PTPA: variants seen among roughly 807,000 people sequenced by gnomAD.
The protein encoded by PTPA is serine/threonine-protein phosphatase 2A activator.
PTPA carries 13 observed loss-of-function variants against 43.6 expected under a neutral mutation model. The observed-to-expected ratio is 0.30, with a 90% CI of 0.19 to 0.47. The LOEUF (loss-of-function observed/expected upper bound fraction) is 0.47. PTPA is among the 20% of genes least tolerant of loss of function. The pLI is 0.99. For missense variants in PTPA, 329 were observed against 411.9 expected (o/e 0.80, Z 1.74); for synonymous variants, 172 against 158.2 (o/e 1.09, Z -0.66).
rs1352970522 is a variant in PTPA at position 129,148,401 on chromosome 9, A to ACCCTGGGC, written c.*948_*955dup. 2.6e-5 allele frequency: 4 copies of ACCCTGGGC among 152,102 alleles called. No homozygotes were observed. The highest frequency in any genetic ancestry group is 9.7e-5 in the African/African-American group (4 of 41,116). The allele number at this position is 152,102 out of a possible 1,614,324, so 9.4% of individuals were successfully genotyped here. On this transcript the variant is annotated 3_prime_UTR_variant, in exon 10 of 10. Transcript: ENST00000393370. ...CTACCTTTGCGCTGCTGTGAGCCTC[A>ACCCTGGGC]CCCTGGGCCCCTGGGCCCTGCTTCT...
chr9:129,126,963 C>T (rs2096914693), intron 3 of PTPA, among the ~76,000 whole-genome samples: 1 of 152,174 alleles, frequency 6.6e-6, no homozygotes, highest in South Asian at 2.1e-4. Flanking sequence ...GAATCTGGGG[C>T]TGACTAGTGC....
At chr9:129,123,188 G>C in intron 3 of PTPA, 50 bp downstream of exon 3, 1 of 1,490,204 alleles carries the variant, frequency 6.7e-7, no homozygotes, top group Non-Finnish European at 9.3e-7. Flanking sequence ...AATAGCTCCA[G>C]AGTCACTGGG....
chr9:129,146,540 C>CT (rs983888799), intron 9 of PTPA, among the ~76,000 whole-genome samples: 4 of 152,336 alleles, frequency 2.6e-5, no homozygotes, highest in Admixed American at 2.0e-4. Context: ...CTAACATACT[C>CT]TGTTTTCTGT....
intron 1 of PTPA, among the ~76,000 whole-genome samples, chr9:129,117,394 C>T (rs1848946082): frequency 6.6e-6 from 1 of 151,852 alleles, no homozygotes; most frequent in Admixed American, 6.6e-5. Context: ...TTATGTGGGC[C>T]TATCTTTTTT....
chr9:129,117,192 G>T (rs1395101576), intron 1 of PTPA, among the ~76,000 whole-genome samples: 1 of 151,436 alleles, frequency 6.6e-6, no homozygotes, highest in East Asian at 2.0e-4. Context: ...GACTACAGGT[G>T]TGCACCACTA....
rs68089837 is a variant in PTPA at position 129,134,296 on chromosome 9, CTTTTTTT to C, written c.461-477_461-471del. On this transcript the variant is annotated intron_variant, in intron 5 of 9. Coordinates refer to ENST00000393370, the MANE Select transcript of PTPA (RefSeq NM_178000.3). ...GAGTGGAATTATAGTACTGGTAGTT[CTTTTTTT>C]TTTTTTTTTTTTTTTTTTTTTGAGA... 7.0e-5 allele frequency among the ~76,000 whole-genome samples: 4 copies of C among 56,906 alleles called. No homozygotes were observed. The East Asian group carries it at 1.8e-3, about 26-fold the overall frequency. The allele number at this position is 56,906 out of a possible 152,430, so 37.3% of individuals were successfully genotyped here. A position where few individuals can be genotyped will look rare whatever the true frequency, so the allele number is the denominator to read the frequency against.
intron 9 of PTPA, among the ~76,000 whole-genome samples, chr9:129,145,313 A>G (rs1851223251): frequency 6.6e-6 from 1 of 151,710 alleles, no homozygotes; most frequent in Admixed American, 6.6e-5. Context: ...CCTGGGCAAC[A>G]GCGAGACTCC....
rs780132845 is a variant in PTPA, at chr9:129,147,398, G to A, written c.906G>A (p.Lys302=). 6.2e-7 allele frequency: 1 copy of A among 1,614,022 alleles called. No individual in the cohort carries two copies. The highest frequency in any genetic ancestry group is 1.1e-5 in the South Asian group (1 of 91,078). The change falls in exon 10 of 10, where the codon AAG becomes AAA. Residue 302 remains lysine (K), a synonymous_variant. Coordinates refer to ENST00000393370, the MANE Select transcript of PTPA (RefSeq NM_178000.3). ...IRMYKAECLE[K]FPVIQHFKFG... Reference sequence around the variant, plus strand: ...CTCCTTCCTCACAGTGCCTGGAGAAGTTCCCTGTGATCCAGCACTTCAAGT... The same window carrying A: ...CTCCTTCCTCACAGTGCCTGGAGAAATTCCCTGTGATCCAGCACTTCAAGT...
chr9:129,125,271 T>C (rs372525990), intron 3 of PTPA, among the ~76,000 whole-genome samples: 3 of 151,994 alleles, frequency 2.0e-5, no homozygotes, highest in African/African-American at 7.2e-5. Context: ...TGTCTTTTTT[T>C]TTTTTGAGTT....
At chr9:129,134,285 T>C (rs1190111214) in intron 5 of PTPA, among the ~76,000 whole-genome samples, 1 of 147,776 alleles carries the variant, frequency 6.8e-6, no homozygotes, top group Non-Finnish European at 1.5e-5. Context: ...GGAATTATAG[T>C]ACTGGTAGTT....
chr9:129,111,857 C>T (rs1227601348), intron 1 of PTPA: 1 of 1,166,466 alleles, frequency 8.6e-7, no homozygotes, highest in Non-Finnish European at 1.1e-6. Context: ...TGGGGCGCAA[C>T]TCTGGGTTTT....
chr9:129,127,320 T>C (rs1849644920), intron 3 of PTPA, among the ~76,000 whole-genome samples: 1 of 152,198 alleles, frequency 6.6e-6, no homozygotes, highest in Non-Finnish European at 1.5e-5. Context: ...GGTACATACA[T>C]AGCTCTTGGC....
At chr9:129,130,864 C>G (rs1233621323) in intron 4 of PTPA, among the ~76,000 whole-genome samples, 1 of 152,154 alleles carries the variant, frequency 6.6e-6, no homozygotes, top group African/African-American at 2.4e-5. Context: ...TTGATATCGC[C>G]CAGATTATTC....
chr9:129,142,989 C>T (rs1851004589), intron 9 of PTPA: 15 of 1,292,936 alleles, frequency 1.2e-5, no homozygotes, highest in Non-Finnish European at 1.4e-5. Context: ...TGTGTATGAT[C>T]ACTGAGTGGT....
chr9:129,128,125 C>T (rs1334644266), intron 3 of PTPA: 4 of 1,185,550 alleles, frequency 3.4e-6, no homozygotes, highest in Non-Finnish European at 4.5e-6. Context: ...CAGAGTTAGT[C>T]ACTTGCTCAA....
At chr9:129,121,247 G>A (rs1164129821) in intron 2 of PTPA, among the ~76,000 whole-genome samples, 1 of 152,210 alleles carries the variant, frequency 6.6e-6, no homozygotes, top group Non-Finnish European at 1.5e-5. Context: ...GGCCTGGTGA[G>A]CTGGGCTGGA....
At position 129,147,442 on chromosome 9, in the gene PTPA, T is replaced by A; in HGVS notation, c.950T>A (p.Ile317Asn). The A allele has an allele frequency of 6.2e-7, 1 of 1,613,948 alleles. No homozygotes were observed. The highest frequency in any genetic ancestry group is 1.1e-5 in the South Asian group (1 of 91,086). ...TTCAAGTTCGGGAGCCTGCTGCCCATCCATCCTGTCACGTCGGGCTAGGAG... is the reference window on the plus strand; with the variant it reads ...TTCAAGTTCGGGAGCCTGCTGCCCAACCATCCTGTCACGTCGGGCTAGGAG... ...QHFKFGSLLP[I>N]HPVTSG The change falls in exon 10 of 10, where the codon ATC (isoleucine) becomes AAC (asparagine). Residue 317 changes from isoleucine to asparagine, a missense_variant. Physicochemically the swap from Ile to Asn is moderately radical, Grantham distance 149. Coordinates refer to ENST00000393370, the MANE Select transcript of PTPA (RefSeq NM_178000.3).
intron 5 of PTPA, among the ~76,000 whole-genome samples, chr9:129,132,717 T>TG (rs917127339): frequency 6.6e-6 from 1 of 152,176 alleles, no homozygotes; most frequent in African/African-American, 2.4e-5. Context: ...TCCTGACCTC[T>TG]GGTGAGGTCA....
Position 129,147,501 on chromosome 9 carries a change from C to T in PTPA, c.*37C>T. ...CCGAAGAGCCACCCAGGCCACAGTTCCTGTGCCTGCCTTCCCCACCCCAGC... is the reference window on the plus strand; with the variant it reads ...CCGAAGAGCCACCCAGGCCACAGTTTCTGTGCCTGCCTTCCCCACCCCAGC... On this transcript the variant is annotated 3_prime_UTR_variant, in exon 10 of 10. Transcript: ENST00000393370. The T allele has an allele frequency of 1.9e-6, 3 of 1,591,156 alleles. No homozygotes were observed. Among genetic ancestry groups the T allele is most frequent in the South Asian group, 1.1e-5 (1 of 90,564 alleles).
Sources: gnomAD v4.1 joint callset for allele counts (sites outside exome capture counted in the v4.1 genomes callset) on GRCh38, gnomAD v4.1.1 for gene constraint, MANE v1.5 for transcripts, NCBI Gene and HGNC (gene_info 2026-07-23, HGNC 2026-07-21) for gene names.